The following STPG2 variants were observed in gnomAD, a reference collection of about 807,000 sequenced individuals.
STPG2 encodes sperm-tail PG-rich repeat-containing protein 2.
STPG2 carries 56 observed loss-of-function variants against 54.2 expected under a neutral mutation model. The ratio of observed to expected loss-of-function variants is 1.03; its 90% CI spans 0.83 to 1.29. The LOEUF is 1.29. Ranked by LOEUF, STPG2 falls within the 50% of genes most tolerant of loss-of-function variation. The pLI is 0.00. For missense variants in STPG2, 596 were observed against 544.9 expected (o/e 1.09, Z -0.93); for synonymous variants, 200 against 181.8 (o/e 1.10, Z -0.81).
At chr4:97,762,018 G>GA (rs1024570900) in intron 9 of STPG2, among the ~76,000 whole-genome samples, 9 of 151,288 alleles carry the variant, frequency 5.9e-5, no homozygotes, top group African/African-American at 1.2e-4. Flanking sequence ...AGTGAACTGG[G>GA]AAAAAAAAAT....
chr4:97,468,954 T>C (rs923467287), intron 4 of STPG2, among the ~76,000 whole-genome samples: 1 of 152,074 alleles, frequency 6.6e-6, no homozygotes, highest in African/African-American at 2.4e-5. Context: ...CACACAGATA[T>C]AAAAACTACA....
chr4:97,941,213 G>A (rs1732969463), intron 8 of STPG2, among the ~76,000 whole-genome samples: 1 of 151,840 alleles, frequency 6.6e-6, no homozygotes, highest in Non-Finnish European at 1.5e-5. Context: ...GGGTTACCCA[G>A]CGACTTTACT....
intron 10 of STPG2, among the ~76,000 whole-genome samples, chr4:97,694,654 A>G (rs1369170587): frequency 5.3e-5 from 8 of 151,294 alleles, no homozygotes; most frequent in African/African-American, 1.7e-4. Context: ...TAAAAAAAAA[A>G]TACAAAAAGT....
At chr4:97,762,921 C>G (rs565373351) in intron 9 of STPG2, among the ~76,000 whole-genome samples, 4 of 152,212 alleles carry the variant, frequency 2.6e-5, no homozygotes, top group South Asian at 2.1e-4. Flanking sequence ...TAAATCTTCC[C>G]TAACGTTCTT....
At chr4:97,501,738 A>G (rs1174191359) in intron 4 of STPG2, among the ~76,000 whole-genome samples, 3 of 151,934 alleles carry the variant, frequency 2.0e-5, no homozygotes, top group Non-Finnish European at 4.4e-5. Context: ...TATATACAAA[A>G]TAAGGACAAA....
intron 5 of STPG2, among the ~76,000 whole-genome samples, chr4:98,077,810 G>A (rs116474705): frequency 1.5e-3 from 221 of 152,216 alleles, no homozygotes; most frequent in African/African-American, 3.8e-3. Context: ...CCCCGACAGC[G>A]CTAAAGATTT....
chr4:97,841,084 C>A, intron 8 of STPG2, 152 bp from the exon 9 acceptor site: 2 of 803,982 alleles, frequency 2.5e-6, no homozygotes, highest in Non-Finnish European at 3.6e-6. Flanking sequence ...AAAAGGAATT[C>A]TTAAATCTAG....
rs113921959 is a variant in STPG2 at position 98,060,533 on chromosome 4, C to T, written c.612+45420G>A. 6.2e-3 allele frequency among the ~76,000 whole-genome samples: 938 copies of T among 152,212 alleles called. 6 individuals carry two copies. Among genetic ancestry groups the T allele is most frequent in the Middle Eastern group, 0.02 (6 of 294 alleles). ...TTCAATGCTATTCCTATCAAACTAC[C>T]GAAGACATTATTCACAGAACTAGAG... On this transcript the variant is annotated intron_variant, in intron 5 of 10. Transcript: ENST00000295268.
intron 9 of STPG2, among the ~76,000 whole-genome samples, chr4:97,770,666 G>A (rs1726189406): frequency 6.6e-6 from 1 of 152,200 alleles, no homozygotes; most frequent in Non-Finnish European, 1.5e-5. Context: ...AACATTAGAA[G>A]TGCTAAAAAG....
intron 9 of STPG2, among the ~76,000 whole-genome samples, chr4:97,834,432 A>C (rs1215146787): frequency 6.6e-6 from 1 of 152,046 alleles, no homozygotes; most frequent in Admixed American, 6.6e-5. Context: ...TGATGCTGCA[A>C]ACCAACAGGG....
intron 10 of STPG2, among the ~76,000 whole-genome samples, chr4:97,700,564 A>T (rs1413485844): frequency 2.6e-5 from 4 of 152,076 alleles, no homozygotes; most frequent in African/African-American, 9.7e-5. Context: ...TTTATTTCCC[A>T]TTTTCTGGCA....
At chr4:98,057,053 G>C (rs955954077) in intron 5 of STPG2, among the ~76,000 whole-genome samples, 1 of 152,154 alleles carries the variant, frequency 6.6e-6, no homozygotes. Flanking sequence ...GACTAACACA[G>C]TAGGCAACCT....
At chr4:97,971,049 A>G (rs1734307579) in intron 7 of STPG2, among the ~76,000 whole-genome samples, 2 of 152,062 alleles carry the variant, frequency 1.3e-5, no homozygotes. Context: ...AACAGACACA[A>G]AAATTGCTCA....
At chr4:97,716,753 T>C (rs1724302538) in intron 9 of STPG2, among the ~76,000 whole-genome samples, 1 of 151,508 alleles carries the variant, frequency 6.6e-6, no homozygotes, top group African/African-American at 2.4e-5. Context: ...AAATACCTAA[T>C]GTAGGTGATG....
At chr4:97,696,969 AG>A (rs1441873422) in intron 10 of STPG2, among the ~76,000 whole-genome samples, 5 of 152,230 alleles carry the variant, frequency 3.3e-5, no homozygotes, top group Non-Finnish European at 1.5e-5. Flanking sequence ...TTGTTTGGGA[AG>A]ATTGCATTGC....
chr4:97,647,885 C>T (rs1262742082), intron 10 of STPG2, among the ~76,000 whole-genome samples: 2 of 152,078 alleles, frequency 1.3e-5, no homozygotes, highest in African/African-American at 4.8e-5. Flanking sequence ...CAGTGTGGGT[C>T]TAAATGGTGT....
At position 98,008,734 on chromosome 4, in the gene STPG2, A is replaced by G. The variant is rs374563103; in HGVS notation, c.613-27416T>C. Among the ~76,000 whole-genome samples, 26 of 152,162 alleles carry G rather than the reference A, an allele frequency of 1.7e-4. No individual in the cohort carries two copies. In the South Asian group the frequency reaches 5.0e-3, roughly 29 times the overall value. ...GAGAGGAATAAAGCCTCACATATCA[A>G]TTTTAACCTTGAATATAAATGTACC... On this transcript the variant is annotated intron_variant, in intron 5 of 10. Coordinates refer to ENST00000295268, the MANE Select transcript of STPG2 (RefSeq NM_174952.3).
downstream of STPG2, among the ~76,000 whole-genome samples, chr4:97,558,401 C>A (rs918645396): frequency 2.0e-5 from 3 of 152,114 alleles, no homozygotes; most frequent in African/African-American, 7.2e-5. Context: ...CCTGGTGATT[C>A]GCCCTTAAGG....
intron 10 of STPG2, among the ~76,000 whole-genome samples, chr4:97,633,011 TAGAC>T (rs1034942013): frequency 2.6e-5 from 4 of 152,068 alleles, no homozygotes; most frequent in African/African-American, 7.2e-5. Flanking sequence ...GATCAATAGA[TAGAC>T]AGAGATAGAT....
Sources: gnomAD v4.1 joint callset for allele counts (sites outside exome capture counted in the v4.1 genomes callset) on GRCh38, gnomAD v4.1.1 for gene constraint, MANE v1.5 for transcripts, NCBI Gene and HGNC (gene_info 2026-07-23, HGNC 2026-07-21) for gene names.